TMEM135: variants seen among roughly 807,000 people sequenced by gnomAD.
The protein encoded by TMEM135 is transmembrane protein 135.
Under a neutral mutation model 60.3 loss-of-function variants are expected in TMEM135, and 30 were observed. That is an observed-to-expected ratio of 0.50 (90% CI 0.37 to 0.68). TMEM135 has a LOEUF of 0.68. Ranked by LOEUF, TMEM135 falls within the 30% of genes least tolerant of loss-of-function variation. The probability of loss-of-function intolerance (pLI) is 0.00; values close to 1 mark genes in which losing one functional copy is unlikely to be tolerated. For synonymous variants in TMEM135, 190 were observed against 186.7 expected (o/e 1.02, Z -0.14); for missense variants, 468 against 548.8 (o/e 0.85, Z 1.47).
At chr11:87,096,972 A>G (rs1400030606) in intron 4 of TMEM135, among the ~76,000 whole-genome samples, 1 of 150,522 alleles carries the variant, frequency 6.6e-6, no homozygotes, top group Non-Finnish European at 1.5e-5. Context: ...TTGGCACAGT[A>G]GACAGTAGAG....
intron 6 of TMEM135, among the ~76,000 whole-genome samples, chr11:87,284,423 G>A (rs1214625580): frequency 6.6e-6 from 1 of 152,186 alleles, no homozygotes; most frequent in Non-Finnish European, 1.5e-5. Context: ...GCTTCTCCAA[G>A]TTTAAGGAGA....
At position 87,325,273 on chromosome 11, in the gene TMEM135, T is replaced by C. The variant is rs1046360867; in HGVS notation, c.*3940T>C. Reference sequence around the variant, plus strand: ...GAAATGAAACTGACTCTAGTGTGTGTGACTTCTGGAAACAGAAGTGGGGCA... The same window carrying C: ...GAAATGAAACTGACTCTAGTGTGTGCGACTTCTGGAAACAGAAGTGGGGCA... On this transcript the variant is annotated 3_prime_UTR_variant, in exon 15 of 15. Coordinates refer to ENST00000305494, the MANE Select transcript of TMEM135 (RefSeq NM_022918.4). The C allele has an allele frequency of 4.4e-6, 2 of 453,964 alleles. No individual in the cohort carries two copies. Among genetic ancestry groups the C allele is most frequent in the Non-Finnish European group, 8.8e-6 (2 of 226,788 alleles). 28.1% of individuals were successfully genotyped at this position (453,964 alleles called of 1,614,324 possible).
intron 6 of TMEM135, 73 bp downstream of exon 6, chr11:87,236,757 TA>T: frequency 7.1e-7 from 1 of 1,402,662 alleles, no homozygotes; most frequent in African/African-American, 1.4e-5. Flanking sequence ...ACCACGAAAC[TA>T]AAGTATTCTC....
chr11:87,095,380 G>A (rs77985572), intron 4 of TMEM135: 9,042 of 216,642 alleles, frequency 0.042, 833 homozygotes, highest in African/African-American at 0.19. Context: ...TAAAAGCACT[G>A]CACTTGGTCA....
chr11:87,076,630 G>T (rs1856879209), intron 3 of TMEM135, among the ~76,000 whole-genome samples: 1 of 152,204 alleles, frequency 6.6e-6, no homozygotes. Context: ...GCCAGCCACA[G>T]CTGGGAATGT....
intron 6 of TMEM135, among the ~76,000 whole-genome samples, chr11:87,260,133 A>G (rs1275398128): frequency 1.3e-5 from 2 of 152,250 alleles, no homozygotes; most frequent in Admixed American, 6.5e-5. Flanking sequence ...CATGTTCAGA[A>G]CAAGAATAAT....
At chr11:87,200,053 C>T (rs944149991) in intron 5 of TMEM135, among the ~76,000 whole-genome samples, 9 of 152,152 alleles carry the variant, frequency 5.9e-5, no homozygotes, top group Non-Finnish European at 1.3e-4. Flanking sequence ...ATATGGTTTG[C>T]TTCTTTCTGT....
intron 6 of TMEM135, among the ~76,000 whole-genome samples, chr11:87,246,315 T>C (rs1941268829): frequency 6.6e-6 from 1 of 150,474 alleles, no homozygotes; most frequent in Non-Finnish European, 1.5e-5. Context: ...TTGGTGAATC[T>C]GACAATTATG....
At chr11:87,217,874 A>G in intron 5 of TMEM135, among the ~76,000 whole-genome samples, 1 of 152,136 alleles carries the variant, frequency 6.6e-6, no homozygotes, top group South Asian at 2.1e-4. Flanking sequence ...AACAAAAGCT[A>G]GACAGTGATC....
chr11:87,154,405 C>T (rs938822766), intron 4 of TMEM135, among the ~76,000 whole-genome samples: 1 of 152,188 alleles, frequency 6.6e-6, no homozygotes, highest in Non-Finnish European at 1.5e-5. Flanking sequence ...GTTGCATCTA[C>T]ATCTAGGCTG....
At chr11:87,061,026 A>G (rs1306617558) in intron 1 of TMEM135, among the ~76,000 whole-genome samples, 1 of 152,176 alleles carries the variant, frequency 6.6e-6, no homozygotes, top group Non-Finnish European at 1.5e-5. Flanking sequence ...ATTGAAATCT[A>G]AAGAGCATCT....
In TMEM135 at chr11:87,323,335, G is replaced by A. The variant is rs1197380231; in HGVS notation, c.*2002G>A. Reference sequence around the variant, plus strand: ...TATAGGTTGAGTGAATAACCAATTTGCAGTGGTGGATTGAGAAGTCCAGTT... The same window carrying A: ...TATAGGTTGAGTGAATAACCAATTTACAGTGGTGGATTGAGAAGTCCAGTT... On this transcript the variant is annotated 3_prime_UTR_variant, in exon 15 of 15. Coordinates refer to ENST00000305494, the MANE Select transcript of TMEM135 (RefSeq NM_022918.4). The A allele has an allele frequency of 2.2e-6, 1 of 453,974 alleles. No homozygotes were observed. The highest frequency in any genetic ancestry group is 4.4e-6 in the Non-Finnish European group (1 of 226,728). The allele number at this position is 453,974 out of a possible 1,614,324, so 28.1% of individuals were successfully genotyped here. A position where few individuals can be genotyped will look rare whatever the true frequency, so the allele number is the denominator to read the frequency against.
At chr11:87,301,444 G>C (rs1942447979) in intron 7 of TMEM135, among the ~76,000 whole-genome samples, 2 of 151,942 alleles carry the variant, frequency 1.3e-5, no homozygotes, top group South Asian at 4.2e-4. Context: ...TGTTAAGGTG[G>C]GGTCTCACTT....
At chr11:87,291,912 C>T (rs925818288) in intron 6 of TMEM135, among the ~76,000 whole-genome samples, 12 of 152,136 alleles carry the variant, frequency 7.9e-5, no homozygotes, top group South Asian at 2.1e-4. Context: ...AAAGTTCTTA[C>T]GTTGCCTAAA....
intron 5 of TMEM135, among the ~76,000 whole-genome samples, chr11:87,180,616 T>A (rs189747762): frequency 1.3e-5 from 2 of 152,286 alleles, no homozygotes; most frequent in East Asian, 3.9e-4. Flanking sequence ...ATAACTGAAC[T>A]ACATTGTAGA....
At chr11:87,294,626 G>T (rs766653095) in intron 6 of TMEM135, among the ~76,000 whole-genome samples, 1 of 152,258 alleles carries the variant, frequency 6.6e-6, no homozygotes. Flanking sequence ...CAGGTGATCC[G>T]CCGGCCTCGG....
intron 1 of TMEM135, among the ~76,000 whole-genome samples, chr11:87,062,072 C>G (rs958631661): frequency 1.3e-5 from 2 of 152,148 alleles, no homozygotes; most frequent in African/African-American, 4.8e-5. Flanking sequence ...GTGGCACAAT[C>G]TCGGCTCACT....
chr11:87,155,708 G>A (rs962731646), intron 4 of TMEM135, among the ~76,000 whole-genome samples: 1 of 152,174 alleles, frequency 6.6e-6, no homozygotes, highest in Non-Finnish European at 1.5e-5. Flanking sequence ...TGGTCCAAGA[G>A]TGCAGGGTGA....
intron 11 of TMEM135, 101 bp downstream of exon 11, chr11:87,313,589 TTCTC>T: frequency 9.7e-7 from 1 of 1,035,404 alleles, no homozygotes; most frequent in Non-Finnish European, 1.5e-6. Context: ...GAATCTTCCT[TTCTC>T]TATCGTAATA....
Sources: allele counts gnomAD v4.1 joint callset (sites outside exome capture counted in the v4.1 genomes callset), GRCh38; gene constraint gnomAD v4.1.1; transcripts MANE v1.5; gene names NCBI Gene and HGNC (gene_info 2026-07-23, HGNC 2026-07-21).